The following EBF1 variants were observed in gnomAD, a reference collection of about 807,000 sequenced individuals.
The protein encoded by EBF1 is EBF transcription factor 1.
A neutral mutation model predicts 68.4 loss-of-function variants in EBF1; 10 were observed. That is an observed-to-expected ratio of 0.15 (90% CI 0.09 to 0.25). EBF1 has a LOEUF of 0.25. EBF1 is among the 10% of genes least tolerant of loss of function. EBF1 has a pLI of 1.00. For missense variants in EBF1, 509 were observed against 794.4 expected (o/e 0.64, Z 4.32); for synonymous variants, 298 against 299.8 (o/e 0.99, Z 0.06).
intron 6 of EBF1, among the ~76,000 whole-genome samples, chr5:158,914,682 TGTGGG>T (rs2127380341): frequency 6.6e-6 from 1 of 152,032 alleles, no homozygotes; most frequent in East Asian, 1.9e-4. Flanking sequence ...TTTGGCTGTG[TGTGGG>T]GCGGTAGGAG....
chr5:159,088,607 T>C (rs908438790), intron 4 of EBF1, among the ~76,000 whole-genome samples: 1 of 152,142 alleles, frequency 6.6e-6, no homozygotes, highest in South Asian at 2.1e-4. Flanking sequence ...ACCATTTTAA[T>C]AGACAGCTGG....
intron 6 of EBF1, among the ~76,000 whole-genome samples, chr5:158,989,142 C>A: frequency 6.6e-6 from 1 of 152,188 alleles, no homozygotes; most frequent in Non-Finnish European, 1.5e-5. Context: ...CACCCACCTC[C>A]AACACCTAAT....
At chr5:158,941,450 T>C (rs1813358333) in intron 6 of EBF1, among the ~76,000 whole-genome samples, 1 of 152,164 alleles carries the variant, frequency 6.6e-6, no homozygotes, top group Non-Finnish European at 1.5e-5. Flanking sequence ...GTCCTCCTCC[T>C]AAACACACTC....
chr5:158,709,461 G>A (rs1162908081), intron 14 of EBF1, among the ~76,000 whole-genome samples: 1 of 152,196 alleles, frequency 6.6e-6, no homozygotes, highest in Admixed American at 6.5e-5. Flanking sequence ...TTTCTGCTAA[G>A]CTACCCTGCA....
intron 6 of EBF1, among the ~76,000 whole-genome samples, chr5:158,975,606 G>T (rs926578583): frequency 2.0e-5 from 3 of 152,146 alleles, no homozygotes; most frequent in Non-Finnish European, 4.4e-5. Flanking sequence ...AAGATTTCAG[G>T]CATCTGTAAT....
At chr5:158,735,456 T>C (rs1764973737) in intron 10 of EBF1, among the ~76,000 whole-genome samples, 2 of 152,220 alleles carry the variant, frequency 1.3e-5, no homozygotes, top group African/African-American at 2.4e-5. Context: ...CGTGGAGTTG[T>C]GTACAGCTTA....
At chr5:158,891,133 G>A (rs1801083118) in intron 6 of EBF1, among the ~76,000 whole-genome samples, 1 of 152,166 alleles carries the variant, frequency 6.6e-6, no homozygotes, top group Non-Finnish European at 1.5e-5. Flanking sequence ...TTAGTTTTGT[G>A]TGTGTTTGTT....
At chr5:158,967,421 G>A (rs76789245) in intron 6 of EBF1, among the ~76,000 whole-genome samples, 2,772 of 152,238 alleles carry the variant, frequency 0.018, 84 homozygotes, top group African/African-American at 0.064. Flanking sequence ...CCATCAAGAT[G>A]CTTGTTGTAG....
chr5:158,750,757 AC>A (rs1768664535), intron 10 of EBF1, among the ~76,000 whole-genome samples: 1 of 152,066 alleles, frequency 6.6e-6, no homozygotes, highest in South Asian at 2.1e-4. Context: ...TTAAAAATCT[AC>A]CACTTGCAAA....
intron 8 of EBF1, among the ~76,000 whole-genome samples, chr5:158,819,779 C>G (rs1405383885): frequency 1.3e-5 from 2 of 152,110 alleles, no homozygotes; most frequent in Admixed American, 6.6e-5. Flanking sequence ...AAGAAGAAAC[C>G]TCACTAGGCT....
chr5:158,703,142 C>A (rs1581150702), intron 15 of EBF1, among the ~76,000 whole-genome samples: 1 of 152,134 alleles, frequency 6.6e-6, no homozygotes, highest in Admixed American at 6.5e-5. Context: ...GCCTGAAACC[C>A]AAGCTCTAAG....
chr5:158,937,488 C>T (rs1270599270), intron 6 of EBF1, among the ~76,000 whole-genome samples: 2 of 152,050 alleles, frequency 1.3e-5, no homozygotes, highest in South Asian at 2.1e-4. Flanking sequence ...CAAAAAGAAC[C>T]GAGGATCAAA....
At chr5:158,789,273 T>G (rs1406998273) in intron 9 of EBF1, among the ~76,000 whole-genome samples, 2 of 152,204 alleles carry the variant, frequency 1.3e-5, no homozygotes, top group Non-Finnish European at 2.9e-5. Flanking sequence ...TGAATTAAAT[T>G]TATACATGTA....
At chr5:158,861,165 C>A (rs144881635) in intron 6 of EBF1, among the ~76,000 whole-genome samples, 1 of 152,066 alleles carries the variant, frequency 6.6e-6, no homozygotes, top group East Asian at 1.9e-4. Flanking sequence ...AGCTAAGAAC[C>A]CGCATTATCA....
chr5:158,923,892 A>G (rs975174611), intron 6 of EBF1, among the ~76,000 whole-genome samples: 1 of 152,228 alleles, frequency 6.6e-6, no homozygotes, highest in African/African-American at 2.4e-5. Flanking sequence ...AAACCTGGGC[A>G]TTGTTTACTG....
At chr5:158,960,888 C>G (rs1054961821) in intron 6 of EBF1, among the ~76,000 whole-genome samples, 3 of 152,178 alleles carry the variant, frequency 2.0e-5, no homozygotes, top group Non-Finnish European at 2.9e-5. Context: ...GAACGAACTA[C>G]CTTGGAAACA....
intron 6 of EBF1, among the ~76,000 whole-genome samples, chr5:159,023,921 T>G (rs1304114105): frequency 1.3e-5 from 2 of 152,150 alleles, no homozygotes; most frequent in Non-Finnish European, 2.9e-5. Context: ...TATGAGAAAC[T>G]CACATGTTCT....
intron 6 of EBF1, among the ~76,000 whole-genome samples, chr5:158,984,308 C>T (rs1758514562): frequency 6.6e-6 from 1 of 152,158 alleles, no homozygotes. Context: ...ACTCTATTCT[C>T]TAAGTTTCTC....
chr5:159,080,159 C>T (rs1436577643), intron 5 of EBF1, among the ~76,000 whole-genome samples: 2 of 152,154 alleles, frequency 1.3e-5, no homozygotes, highest in African/African-American at 4.8e-5. Context: ...TCAGGACCAT[C>T]CACCTGCAGG....
Sources: allele counts gnomAD v4.1 joint callset (sites outside exome capture counted in the v4.1 genomes callset), GRCh38; gene constraint gnomAD v4.1.1; transcripts MANE v1.5; gene names NCBI Gene and HGNC (gene_info 2026-07-23, HGNC 2026-07-21).